RFC3: variants seen among roughly 807,000 people sequenced by gnomAD.
RFC3 encodes the protein A1 38 kDa subunit.
Under a neutral mutation model 45.1 loss-of-function variants are expected in RFC3, and 41 were observed. That is an observed-to-expected ratio of 0.91 (90% CI 0.71 to 1.18). The LOEUF (loss-of-function observed/expected upper bound fraction) is 1.18. Ranked by LOEUF, RFC3 falls within the 50% of genes most tolerant of loss-of-function variation. RFC3 has a pLI of 0.00. For synonymous variants in RFC3, 149 were observed against 144.0 expected (o/e 1.03, Z -0.25); for missense variants, 423 against 428.1 (o/e 0.99, Z 0.10).
intron 8 of RFC3, among the ~76,000 whole-genome samples, chr13:33,923,829 A>T (rs1004502285): frequency 6.6e-6 from 1 of 152,120 alleles, no homozygotes. Context: ...CTAAGCCCCA[A>T]GGTGTCCCAG....
chr13:33,828,864 A>G (rs912831791), intron 4 of RFC3, among the ~76,000 whole-genome samples: 32 of 152,262 alleles, frequency 2.1e-4, no homozygotes, highest in African/African-American at 6.3e-4. Flanking sequence ...TGGCCGCACC[A>G]TGGTTTCTAG....
rs145237108 is a variant in RFC3, at chr13:33,852,770, G to T, written c.879+17553G>T. 4.5e-4 allele frequency among the ~76,000 whole-genome samples: 69 copies of T among 152,266 alleles called. 1 individual carries two copies. The East Asian group carries it at 0.013, about 29-fold the overall frequency. ...TTGCATTTGGCTTTGAACTTCTGTA[G>T]CCTGGGAAGAAAGCTCTGGCTGTCA... On this transcript the variant is annotated intron_variant, in intron 8 of 8. Transcript: ENST00000434425.
chr13:33,842,450 G>A (rs182219544), downstream of RFC3, among the ~76,000 whole-genome samples: 302 of 152,284 alleles, frequency 2.0e-3, no homozygotes, highest in Non-Finnish European at 3.4e-3. Flanking sequence ...TGCTACTTGC[G>A]TGTTAGTAAT....
At chr13:33,829,071 AGTT>A (rs1262272264) in intron 4 of RFC3, among the ~76,000 whole-genome samples, 2 of 152,028 alleles carry the variant, frequency 1.3e-5, no homozygotes, top group Non-Finnish European at 2.9e-5. Context: ...TGGAATCTTT[AGTT>A]GTTCTGTTTA....
intron 8 of RFC3, among the ~76,000 whole-genome samples, chr13:33,843,024 T>G (rs182986606): frequency 2.0e-4 from 31 of 152,280 alleles, no homozygotes; most frequent in Admixed American, 2.0e-3. Flanking sequence ...AATAGTACAT[T>G]AAATATTATT....
chr13:33,860,492 T>G (rs1280562775), intron 8 of RFC3, among the ~76,000 whole-genome samples: 5 of 152,006 alleles, frequency 3.3e-5, no homozygotes, highest in African/African-American at 9.7e-5. Context: ...CATTCCCAGT[T>G]GCCTCCAATG....
chr13:33,878,476 C>T (rs927549963), intron 8 of RFC3, among the ~76,000 whole-genome samples: 4 of 152,132 alleles, frequency 2.6e-5, no homozygotes, highest in South Asian at 2.1e-4. Context: ...GAAGAGGGAA[C>T]GATTCAAGGA....
chr13:33,875,819 A>T (rs2082442617), intron 8 of RFC3, among the ~76,000 whole-genome samples: 1 of 151,874 alleles, frequency 6.6e-6, no homozygotes, highest in Non-Finnish European at 1.5e-5. Flanking sequence ...TACAGACGGG[A>T]CGTGGGCTCA....
At chr13:33,905,632 T>A (rs1477192023) in intron 8 of RFC3, among the ~76,000 whole-genome samples, 1 of 152,066 alleles carries the variant, frequency 6.6e-6, no homozygotes, top group African/African-American at 2.4e-5. Flanking sequence ...TAATAGTCAA[T>A]GTTCATGGTA....
At chr13:33,932,381 T>C (rs763659011) in intron 8 of RFC3, among the ~76,000 whole-genome samples, 7 of 152,166 alleles carry the variant, frequency 4.6e-5, no homozygotes, top group Non-Finnish European at 1.0e-4. Flanking sequence ...TGGAATTGTC[T>C]TGCAGTATAT....
At chr13:33,967,628 C>T (rs2083094430), downstream of RFC3, among the ~76,000 whole-genome samples, 1 of 151,396 alleles carries the variant, frequency 6.6e-6, no homozygotes, top group South Asian at 2.1e-4. Flanking sequence ...GCTGGGATTA[C>T]AGGCACACAC....
chr13:33,911,781 T>C (rs2082705020), intron 8 of RFC3, among the ~76,000 whole-genome samples: 1 of 152,040 alleles, frequency 6.6e-6, no homozygotes, highest in African/African-American at 2.4e-5. Context: ...AGAACAACAC[T>C]AAGCCATTCA....
chr13:33,956,328 G>C (rs891784488), intron 8 of RFC3, among the ~76,000 whole-genome samples: 2 of 152,198 alleles, frequency 1.3e-5, no homozygotes, highest in African/African-American at 4.8e-5. Flanking sequence ...AAAGTCCTAA[G>C]TATTAGTTTA....
intron 8 of RFC3, among the ~76,000 whole-genome samples, chr13:33,956,044 A>G (rs965864987): frequency 6.6e-6 from 1 of 152,222 alleles, no homozygotes; most frequent in African/African-American, 2.4e-5. Context: ...CCAAATATCT[A>G]CTATTTCTCC....
chr13:33,914,846 G>A (rs926496116), intron 8 of RFC3, among the ~76,000 whole-genome samples: 2 of 152,066 alleles, frequency 1.3e-5, no homozygotes, highest in Non-Finnish European at 2.9e-5. Context: ...TATGTTTATA[G>A]CTATGCAAAG....
intron 8 of RFC3, among the ~76,000 whole-genome samples, chr13:33,900,878 A>T (rs1367292611): frequency 1.3e-5 from 2 of 151,854 alleles, no homozygotes; most frequent in East Asian, 1.9e-4. Flanking sequence ...TTGAAAATGG[A>T]CAAAAAATGT....
At chr13:33,830,087 A>G in intron 5 of RFC3, 70 bp downstream of exon 5, 1 of 1,364,062 alleles carries the variant, frequency 7.3e-7, no homozygotes, top group South Asian at 1.2e-5. Flanking sequence ...GCTTGTTGTA[A>G]AAGAAGGGAA....
At chr13:33,861,567 C>G (rs953775614) in intron 8 of RFC3, among the ~76,000 whole-genome samples, 3 of 151,808 alleles carry the variant, frequency 2.0e-5, no homozygotes, top group African/African-American at 7.3e-5. Flanking sequence ...ATCTCTTGAA[C>G]CCAGGAGGTG....
intron 8 of RFC3, among the ~76,000 whole-genome samples, chr13:33,960,869 G>A (rs2083052587): frequency 6.6e-6 from 1 of 152,076 alleles, no homozygotes; most frequent in Non-Finnish European, 1.5e-5. Flanking sequence ...GGTGCTTTTG[G>A]GGCCACGTTT....
Sources: allele counts gnomAD v4.1 joint callset (sites outside exome capture counted in the v4.1 genomes callset), GRCh38; gene constraint gnomAD v4.1.1; transcripts MANE v1.5; gene names NCBI Gene and HGNC (gene_info 2026-07-23, HGNC 2026-07-21).